Variants in SV2B observed in about 807,000 individuals in gnomAD.
SV2B encodes the protein solute carrier family 22 member B2.
Under a neutral mutation model 73.9 loss-of-function variants are expected in SV2B, and 41 were observed. That is an observed-to-expected ratio of 0.56 (90% CI 0.43 to 0.72). The LOEUF (loss-of-function observed/expected upper bound fraction) is 0.72, where lower values mean the gene tolerates loss of function less well. Ranked by LOEUF, SV2B falls within the 30% of genes least tolerant of loss-of-function variation. The pLI is 0.00. For synonymous variants in SV2B, 314 were observed against 314.2 expected, an observed-to-expected ratio of 1.00 and a Z score of 0.01; for missense variants, 764 against 857.8, an observed-to-expected ratio of 0.89 and a Z score of 1.37.
chr15:91,270,338 G>T (rs770229333), intron 9 of SV2B, among the ~76,000 whole-genome samples: 1 of 152,184 alleles, frequency 6.6e-6, no homozygotes, highest in Non-Finnish European at 1.5e-5. Flanking sequence ...AGTGCCTTAC[G>T]TAGATATCTC....
chr15:91,114,988 T>G (rs1233320911), intron 1 of SV2B, among the ~76,000 whole-genome samples: 1 of 152,126 alleles, frequency 6.6e-6, no homozygotes, highest in African/African-American at 2.4e-5. Context: ...CTAGCCCAAC[T>G]GGGGTCACAT....
intron 1 of SV2B, among the ~76,000 whole-genome samples, chr15:91,109,153 A>G (rs1336335801): frequency 6.6e-6 from 1 of 152,234 alleles, no homozygotes; most frequent in Non-Finnish European, 1.5e-5. Context: ...AGGCGCAGAG[A>G]AAAGAAATGA....
intron 1 of SV2B, among the ~76,000 whole-genome samples, chr15:91,150,875 T>C (rs1483680058): frequency 1.3e-5 from 2 of 152,166 alleles, no homozygotes; most frequent in African/African-American, 2.4e-5. Flanking sequence ...AACAGATGGC[T>C]CCATGGGGAA....
chr15:91,113,694 T>G (rs1001052529), intron 1 of SV2B, among the ~76,000 whole-genome samples: 4 of 152,226 alleles, frequency 2.6e-5, no homozygotes, highest in Non-Finnish European at 5.9e-5. Flanking sequence ...TGTTTCTGAC[T>G]TCTACAAAAT....
intron 1 of SV2B, among the ~76,000 whole-genome samples, chr15:91,219,511 A>C (rs2046145942): frequency 1.3e-5 from 2 of 152,172 alleles, no homozygotes; most frequent in Admixed American, 1.3e-4. Context: ...AGCAGCCTAT[A>C]TTCCATGGAT....
At chr15:91,188,833 T>A (rs1391451412) in intron 1 of SV2B, among the ~76,000 whole-genome samples, 1 of 152,094 alleles carries the variant, frequency 6.6e-6, no homozygotes, top group Non-Finnish European at 1.5e-5. Context: ...TTTATTAATT[T>A]ATTTATTTTT....
rs78051338 is a variant in SV2B at position 91,222,187 on chromosome 15, C to A, written c.-391-3686C>A. Among the ~76,000 whole-genome samples the A allele has an allele frequency of 5.3e-3, 811 of 152,260 alleles. 7 individuals carry two copies. Among genetic ancestry groups the A allele is most frequent in the African/African-American group, 0.018 (758 of 41,546 alleles). The stretch of plus-strand genomic sequence containing the variant: ...TAGGATCCCTCCTTCCTTTGGAACC[C>A]CTTGGAGAACAAATATTTGTGGCCC... On this transcript the variant is annotated intron_variant, in intron 1 of 12. Coordinates refer to ENST00000394232, the MANE Select transcript of SV2B (RefSeq NM_001323032.3).
At chr15:91,138,818 C>T (rs186514520) in intron 1 of SV2B, among the ~76,000 whole-genome samples, 62 of 152,216 alleles carry the variant, frequency 4.1e-4, no homozygotes, top group African/African-American at 1.2e-3. Context: ...CAATCCCTCA[C>T]GGTTACTGAG....
At position 91,288,368 on chromosome 15, in the gene SV2B, C is replaced by T. The variant is rs2048931188; in HGVS notation, c.1709-1153C>T. ...GGAATGATTAAGTCAAGCTAATTAA[C>T]ATATCCATCACCACACATATATATG... On this transcript the variant is annotated intron_variant, in intron 11 of 12. Transcript: ENST00000394232. This position sits in a 1 kb window ranked among gnomAD's most constrained non-coding sequence, Gnocchi z 5.8. Among the ~76,000 whole-genome samples, 1 of 152,144 alleles carries T rather than the reference C, an allele frequency of 6.6e-6. No homozygotes were observed. The highest frequency in any genetic ancestry group is 1.5e-5 in the Non-Finnish European group (1 of 68,030).
Position 91,252,608 on chromosome 15 carries a change from T to C in SV2B, c.784+88T>C, listed in dbSNP as rs1167070120. 7.1e-6 allele frequency: 10 copies of C among 1,404,610 alleles called. No homozygotes were observed. Among genetic ancestry groups the C allele is most frequent in the Non-Finnish European group, 9.4e-6 (10 of 1,068,474 alleles). The allele number at this position is 1,404,610 out of a possible 1,614,324, so 87.0% of individuals were successfully genotyped here. On this transcript the variant is annotated intron_variant, in intron 4 of 12. Transcript: ENST00000394232. This position sits in a 1 kb window ranked among gnomAD's most constrained non-coding sequence, Gnocchi z 4.6. ...AGTTCCTGTCCTCAGCCTTATTCCA[T>C]GTACTCACGCACAGTTCCCGTACGT...
At position 91,130,778 on chromosome 15, in the gene SV2B, G is replaced by A. The variant is rs1308872218; in HGVS notation, c.-392+30415G>A. Among the ~76,000 whole-genome samples, 2 of 152,164 alleles carry A rather than the reference G, an allele frequency of 1.3e-5. No individual in the cohort carries two copies. The highest frequency in any genetic ancestry group is 2.4e-5 in the African/African-American group (1 of 41,438). On this transcript the variant is annotated intron_variant, in intron 1 of 12. Coordinates refer to ENST00000394232, the MANE Select transcript of SV2B (RefSeq NM_001323032.3). The surrounding 1 kb of genome is among the most constrained non-coding windows in gnomAD (Gnocchi z 5.6). ...GTTCAGTGAGTCCTTCAAGACGTTC[G>A]GAGGTGAAAGCAAGGGGAGAATGTT...
At chr15:91,273,423 C>T (rs1010593652) in intron 9 of SV2B, among the ~76,000 whole-genome samples, 6 of 152,230 alleles carry the variant, frequency 3.9e-5, no homozygotes, top group Non-Finnish European at 5.9e-5. Context: ...TAGCTTACTC[C>T]AGGTCCTGCA....
chr15:91,111,735 T>A (rs1158099229), intron 1 of SV2B, among the ~76,000 whole-genome samples: 1 of 152,114 alleles, frequency 6.6e-6, no homozygotes, highest in African/African-American at 2.4e-5. Flanking sequence ...AGAAAAGAGT[T>A]TTAATTGGCT....
At chr15:91,109,025 A>G (rs2041966022) in intron 1 of SV2B, among the ~76,000 whole-genome samples, 1 of 152,214 alleles carries the variant, frequency 6.6e-6, no homozygotes, top group African/African-American at 2.4e-5. Context: ...TTTTCACAAA[A>G]GGCAATTGAA....
intron 9 of SV2B, among the ~76,000 whole-genome samples, chr15:91,269,283 G>A (rs747500737): frequency 6.6e-6 from 1 of 152,100 alleles, no homozygotes; most frequent in Non-Finnish European, 1.5e-5. Context: ...CCCTCAAGAT[G>A]GATCAGGGCA....
intron 1 of SV2B, among the ~76,000 whole-genome samples, chr15:91,131,683 C>T (rs538583864): frequency 1.3e-5 from 2 of 151,664 alleles, no homozygotes; most frequent in South Asian, 2.1e-4. Flanking sequence ...AAAAAAGTGG[C>T]TGAGTGTGGT....
chr15:91,149,332 G>A (rs1200502382), intron 1 of SV2B, among the ~76,000 whole-genome samples: 1 of 152,224 alleles, frequency 6.6e-6, no homozygotes, highest in African/African-American at 2.4e-5. Flanking sequence ...GGTGGCCCCA[G>A]CTGACAGGAT....
intron 2 of SV2B, among the ~76,000 whole-genome samples, chr15:91,246,766 C>G (rs1439906483): frequency 6.6e-6 from 1 of 151,874 alleles, no homozygotes; most frequent in Non-Finnish European, 1.5e-5. Context: ...CCTCTTCCTC[C>G]TTTGCTCTGC....
chr15:91,247,640 G>A (rs567695507), intron 2 of SV2B, among the ~76,000 whole-genome samples: 1 of 152,286 alleles, frequency 6.6e-6, no homozygotes, highest in Non-Finnish European at 1.5e-5. Flanking sequence ...AGAATGAAGT[G>A]CAATGTGGCC....
Sources: allele counts gnomAD v4.1 joint callset (sites outside exome capture counted in the v4.1 genomes callset), GRCh38; gene constraint gnomAD v4.1.1; non-coding constraint Gnocchi (gnomAD v3.1); transcripts MANE v1.5; gene names NCBI Gene and HGNC (gene_info 2026-07-23, HGNC 2026-07-21).